Variants in ACOT1 observed in about 807,000 individuals in gnomAD.
ACOT1 encodes acyl-coenzyme A thioesterase 1.
ACOT1 carries 8 observed loss-of-function variants against 15.7 expected under a neutral mutation model. That is an observed-to-expected ratio of 0.51 (90% confidence interval 0.30 to 0.92). The LOEUF (loss-of-function observed/expected upper bound fraction) is 0.92, where lower values mean the gene tolerates loss of function less well. Ranked by LOEUF, ACOT1 falls within the 40% of genes least tolerant of loss-of-function variation. ACOT1 has a pLI of 0.06. For missense variants in ACOT1, 151 were observed against 539.4 expected, an observed-to-expected ratio of 0.28 and a Z score of 7.13; for synonymous variants, 67 against 241.2, an observed-to-expected ratio of 0.28 and a Z score of 6.69.
At chr14:73,498,846 G>A in the ACOT1 span, among the ~76,000 whole-genome samples, 2 of 152,170 alleles carry the variant, frequency 1.3e-5, no homozygotes, top group Admixed American at 6.6e-5. Context: ...GGACTGTCTT[G>A]TCAGCCCTTT....
the ACOT1 span, chr14:73,502,875 T>C: frequency 6.4e-7 from 1 of 1,569,922 alleles, no homozygotes; most frequent in Admixed American, 1.7e-5. Context: ...GAGTGTCTCC[T>C]CATGTTGACT....
chr14:73,492,855 G>A, the ACOT1 span: 1 of 1,613,920 alleles, frequency 6.2e-7, no homozygotes. This position sits in a 1 kb window ranked among gnomAD's most constrained non-coding sequence, Gnocchi z 4.9. Context: ...GACCTGCCCT[G>A]TGACAGTGTG....
the ACOT1 span, among the ~76,000 whole-genome samples, chr14:73,499,986 T>G: frequency 6.6e-6 from 1 of 152,142 alleles, no homozygotes; most frequent in African/African-American, 2.4e-5. Context: ...TCCCAGCACT[T>G]TGGGAGGCCG....
At chr14:73,529,187 C>G in the ACOT1 span, 1 of 151,964 alleles carries the variant, frequency 6.6e-6, no homozygotes, top group Non-Finnish European at 1.5e-5. Flanking sequence ...AACTCCGTCT[C>G]TACTAAAAAT....
chr14:73,496,253 T>TA, the ACOT1 span, among the ~76,000 whole-genome samples: 9 of 152,222 alleles, frequency 5.9e-5, no homozygotes, highest in Non-Finnish European at 1.0e-4. Context: ...TCTAGTCCCT[T>TA]ATTCCTTCTC....
At chr14:73,494,580 C>T in the ACOT1 span, among the ~76,000 whole-genome samples, 4 of 152,040 alleles carry the variant, frequency 2.6e-5, no homozygotes, top group Non-Finnish European at 5.9e-5. Flanking sequence ...AGACAGGGTC[C>T]CACTTTGTTG....
chr14:73,533,549 C>G (rs377654254), upstream of ACOT1, among the ~76,000 whole-genome samples: 1 of 113,058 alleles, frequency 8.8e-6, no homozygotes, highest in Non-Finnish European at 1.9e-5. Flanking sequence ...TGTCCTGGTA[C>G]GCGCCTGTAG....
At chr14:73,530,794 A>ATTTT in the ACOT1 span, among the ~76,000 whole-genome samples, 254 of 57,748 alleles carry the variant, frequency 4.4e-3, 10 homozygotes, top group South Asian at 0.064. Flanking sequence ...TCTCGGTTAA[A>ATTTT]TTTTTTTTTT....
the ACOT1 span, chr14:73,509,299 G>A: frequency 6.2e-7 from 1 of 1,612,152 alleles, no homozygotes; most frequent in East Asian, 2.2e-5. Context: ...AGAAGTAACA[G>A]GGAGTTACTC....
chr14:73,495,446 A>C, the ACOT1 span: 1 of 1,397,692 alleles, frequency 7.2e-7, no homozygotes, highest in Non-Finnish European at 9.9e-7. Context: ...TAGGCAGCAA[A>C]TTATCAAAAA....
At chr14:73,492,761 C>G in the ACOT1 span, 7 of 1,613,928 alleles carry the variant, frequency 4.3e-6, 1 homozygote, top group South Asian at 7.7e-5. This position sits in a 1 kb window ranked among gnomAD's most constrained non-coding sequence, Gnocchi z 4.9. Flanking sequence ...TCTGGAAGAA[C>G]CCAAGTGCTT....
the ACOT1 span, among the ~76,000 whole-genome samples, chr14:73,505,395 T>C: frequency 7.0e-6 from 1 of 143,294 alleles, no homozygotes; most frequent in African/African-American, 2.9e-5. Flanking sequence ...TTTGTTTTGT[T>C]TTTTTTTGTT....
At chr14:73,530,264 A>T in the ACOT1 span, 1 of 145,008 alleles carries the variant, frequency 6.9e-6, no homozygotes, top group African/African-American at 2.5e-5. Flanking sequence ...ATACGGGTAA[A>T]GAACCTTTTA....
At chr14:73,506,804 G>GTTTTTTTTTTTTTTTTTTTTTTTT in the ACOT1 span, among the ~76,000 whole-genome samples, 96 of 80,490 alleles carry the variant, frequency 1.2e-3, 12 homozygotes, top group East Asian at 3.5e-3. Context: ...GACTTTAACT[G>GTTTTTTTTTTTTTTTTTTTTTTTT]TTTTTTTTTT....
chr14:73,520,996 G>T, the ACOT1 span: 1 of 1,613,764 alleles, frequency 6.2e-7, no homozygotes, highest in Non-Finnish European at 8.5e-7. Context: ...TTGTTGCCAG[G>T]CATGATCTCA....
the ACOT1 span, among the ~76,000 whole-genome samples, chr14:73,508,742 ACT>A: frequency 3.5e-5 from 4 of 113,594 alleles, no homozygotes; most frequent in South Asian, 3.3e-4. Flanking sequence ...CGAGAGTGAA[ACT>A]CTGTCTCAAA....
At chr14:73,532,986 AAAAGT>A (rs548992521), upstream of ACOT1, among the ~76,000 whole-genome samples, 8 of 113,728 alleles carry the variant, frequency 7.0e-5, 1 homozygote, top group South Asian at 2.8e-4. Flanking sequence ...AAAAGAAAAG[AAAAGT>A]AAAGACTAAA....
At chr14:73,492,999 CTTTT>C in the ACOT1 span, 75 of 1,459,800 alleles carry the variant, frequency 5.1e-5, no homozygotes, top group Middle Eastern at 1.9e-4. This position sits in a 1 kb window ranked among gnomAD's most constrained non-coding sequence, Gnocchi z 4.9. Context: ...CCACTGCTAC[CTTTT>C]TTTTTTTTTT....
At chr14:73,508,014 G>T in the ACOT1 span, 4 of 921,472 alleles carry the variant, frequency 4.3e-6, no homozygotes, top group Non-Finnish European at 6.8e-6. Flanking sequence ...CCGAAGTGTT[G>T]GGATTACAGG....
Sources: allele counts gnomAD v4.1 joint callset (sites outside exome capture counted in the v4.1 genomes callset), GRCh38; gene constraint gnomAD v4.1.1; non-coding constraint Gnocchi (gnomAD v3.1); transcripts MANE v1.5; gene names NCBI Gene and HGNC (gene_info 2026-07-23, HGNC 2026-07-21).